The following RGS7BP variants were observed in gnomAD, a reference collection of about 807,000 sequenced individuals.
The protein encoded by RGS7BP is regulator of G protein signaling 7 binding protein.
RGS7BP carries 9 observed loss-of-function variants against 31.3 expected under a neutral mutation model. The ratio of observed to expected loss-of-function variants is 0.29; its 90% CI spans 0.17 to 0.50. The LOEUF (loss-of-function observed/expected upper bound fraction) is 0.50. Among genes scored for constraint, RGS7BP ranks in the 20% least tolerant of loss-of-function variants. The probability of loss-of-function intolerance (pLI) is 0.98; values close to 1 mark genes in which losing one functional copy is unlikely to be tolerated. For synonymous variants in RGS7BP, 115 were observed against 120.1 expected (o/e 0.96, Z 0.28); for missense variants, 274 against 322.0 (o/e 0.85, Z 1.14).
intron 2 of RGS7BP, among the ~76,000 whole-genome samples, chr5:64,549,802 C>A (rs1741746398): frequency 6.6e-6 from 1 of 152,166 alleles, no homozygotes; most frequent in South Asian, 2.1e-4. Context: ...TTTTCCAAAT[C>A]CTCAAGTTCT....
chr5:64,590,655 C>T lies in RGS7BP; in HGVS notation c.464-4055C>T, dbSNP rs181227469. 7.7e-4 allele frequency among the ~76,000 whole-genome samples: 117 copies of T among 152,166 alleles called. 1 individual carries two copies. The highest frequency in any genetic ancestry group is 4.1e-4 in the Non-Finnish European group (28 of 67,976). On this transcript the variant is annotated intron_variant, in intron 3 of 5. Coordinates refer to ENST00000334025, the MANE Select transcript of RGS7BP (RefSeq NM_001029875.3). Reference sequence around the variant, plus strand: ...TTACATGATAGTAATTTATAGTTTCCTTTGCAGTGGATTCAAAATTTCAAA... The same window carrying T: ...TTACATGATAGTAATTTATAGTTTCTTTTGCAGTGGATTCAAAATTTCAAA...
At position 64,509,445 on chromosome 5, in the gene RGS7BP, C is replaced by T. The variant is rs549529962; in HGVS notation, c.332+1568C>T. ...GGGCTGGAGGAATGAACAAGGAGTT[C>T]GATTCAGTCTATTTTGCGACACACA... On this transcript the variant is annotated intron_variant, in intron 2 of 5. Transcript: ENST00000334025. Among the ~76,000 whole-genome samples the T allele has an allele frequency of 7.5e-4, 114 of 152,130 alleles. 1 individual carries two copies. Among genetic ancestry groups the T allele is most frequent in the African/African-American group, 2.5e-3 (105 of 41,514 alleles).
chr5:64,555,638 C>T (rs1471616902), intron 2 of RGS7BP, among the ~76,000 whole-genome samples: 2 of 151,832 alleles, frequency 1.3e-5, no homozygotes, highest in African/African-American at 2.4e-5. Context: ...AGGACTTGAG[C>T]TGAAAATGGA....
Position 64,508,240 on chromosome 5 carries a change from A to G in RGS7BP, c.332+363A>G, listed in dbSNP as rs1306535896. Among the ~76,000 whole-genome samples, 3 of 152,184 alleles carry G rather than the reference A, an allele frequency of 2.0e-5. No homozygotes were observed. In the East Asian group the frequency reaches 5.8e-4, roughly 29 times the overall value. Reference sequence around the variant, plus strand: ...TTATTTTGTCATCTGCTGCTGAACAAAAGGCCTGTGCTGTAGAGAAAAACT... The same window carrying G: ...TTATTTTGTCATCTGCTGCTGAACAGAAGGCCTGTGCTGTAGAGAAAAACT... On this transcript the variant is annotated intron_variant, in intron 2 of 5. Coordinates refer to ENST00000334025, the MANE Select transcript of RGS7BP (RefSeq NM_001029875.3).
chr5:64,607,637 A>G (rs568254955), intron 5 of RGS7BP, among the ~76,000 whole-genome samples: 1 of 152,176 alleles, frequency 6.6e-6, no homozygotes, highest in South Asian at 2.1e-4. Flanking sequence ...TCCAGGTAGC[A>G]GACTTCAGCA....
intron 2 of RGS7BP, among the ~76,000 whole-genome samples, chr5:64,540,681 A>G (rs1054679425): frequency 3.3e-5 from 5 of 152,206 alleles, no homozygotes; most frequent in Admixed American, 2.0e-4. Context: ...AGACACTGAG[A>G]TGAAATTAGA....
At chr5:64,538,676 C>T (rs1379803826) in intron 2 of RGS7BP, among the ~76,000 whole-genome samples, 1 of 149,822 alleles carries the variant, frequency 6.7e-6, no homozygotes, top group Non-Finnish European at 1.5e-5. Flanking sequence ...CCTACCTCAG[C>T]CTCCTGCGTA....
intron 3 of RGS7BP, among the ~76,000 whole-genome samples, chr5:64,577,526 C>T (rs1742468818): frequency 6.6e-6 from 1 of 152,200 alleles, no homozygotes; most frequent in African/African-American, 2.4e-5. Flanking sequence ...GCTCCAGAGA[C>T]AGGAGAACAT....
chr5:64,540,973 C>A (rs961496711), intron 2 of RGS7BP, among the ~76,000 whole-genome samples: 1 of 152,106 alleles, frequency 6.6e-6, no homozygotes, highest in African/African-American at 2.4e-5. Flanking sequence ...CTGGAGAGCT[C>A]GGTGTTGGCA....
At chr5:64,605,582 T>C (rs1743331283) in intron 5 of RGS7BP, among the ~76,000 whole-genome samples, 1 of 152,048 alleles carries the variant, frequency 6.6e-6, no homozygotes, top group South Asian at 2.1e-4. Context: ...ATTTCAGCAT[T>C]TACTGCAGGT....
chr5:64,580,567 T>C (rs1742563351), intron 3 of RGS7BP, among the ~76,000 whole-genome samples: 1 of 151,520 alleles, frequency 6.6e-6, no homozygotes, highest in Non-Finnish European at 1.5e-5. Flanking sequence ...CTGATATAAA[T>C]CCATATAAAT....
At chr5:64,606,417 A>G (rs1041074308) in intron 5 of RGS7BP, among the ~76,000 whole-genome samples, 1 of 152,068 alleles carries the variant, frequency 6.6e-6, no homozygotes, top group African/African-American at 2.4e-5. Flanking sequence ...AGGAGATACC[A>G]GAATTTAGAA....
At chr5:64,584,670 G>T (rs1422176384) in intron 3 of RGS7BP, among the ~76,000 whole-genome samples, 1 of 152,234 alleles carries the variant, frequency 6.6e-6, no homozygotes, top group Non-Finnish European at 1.5e-5. Context: ...TGGGGGCTGT[G>T]GCAGTGCCAC....
chr5:64,602,938 A>G (rs924849670), intron 5 of RGS7BP, among the ~76,000 whole-genome samples: 2 of 152,214 alleles, frequency 1.3e-5, no homozygotes, highest in Admixed American at 6.5e-5. Context: ...AAGATAGTCT[A>G]GGCAGAAGAT....
intron 2 of RGS7BP, among the ~76,000 whole-genome samples, chr5:64,565,164 C>T (rs1424569540): frequency 2.0e-5 from 3 of 152,070 alleles, no homozygotes; most frequent in Non-Finnish European, 1.5e-5. Context: ...ATCACAACAA[C>T]ACTATCAGCT....
Position 64,554,381 on chromosome 5 carries a change from G to A in RGS7BP, c.333-21393G>A, listed in dbSNP as rs560596651. On this transcript the variant is annotated intron_variant, in intron 2 of 5. Transcript: ENST00000334025. ...CTCAAATTCCTTGGTGTTTCTGTTT[G>A]CCACCCATACCTTTGTAATTACTCC... is the stretch of plus-strand genomic sequence containing the variant. Among the ~76,000 whole-genome samples, 3 of 152,160 alleles carry A rather than the reference G, an allele frequency of 2.0e-5. No homozygotes were observed. In the East Asian group the frequency reaches 5.8e-4, roughly 29 times the overall value.
At chr5:64,598,665 C>T (rs1443666257) in intron 5 of RGS7BP, among the ~76,000 whole-genome samples, 1 of 152,136 alleles carries the variant, frequency 6.6e-6, no homozygotes, top group Non-Finnish European at 1.5e-5. Flanking sequence ...ACTCCTTCTC[C>T]ACTGGCCCTA....
chr5:64,550,904 A>C (rs1167714928), intron 2 of RGS7BP, among the ~76,000 whole-genome samples: 1 of 151,890 alleles, frequency 6.6e-6, no homozygotes, highest in African/African-American at 2.4e-5. Flanking sequence ...TACAAAGGAC[A>C]TGAACTCATC....
At chr5:64,538,674 A>G (rs555080801) in intron 2 of RGS7BP, among the ~76,000 whole-genome samples, 2 of 145,582 alleles carry the variant, frequency 1.4e-5, no homozygotes, top group South Asian at 2.2e-4. Context: ...CTCCTACCTC[A>G]GCCTCCTGCG....
Sources: gnomAD v4.1 joint callset for allele counts (sites outside exome capture counted in the v4.1 genomes callset) on GRCh38, gnomAD v4.1.1 for gene constraint, MANE v1.5 for transcripts, NCBI Gene and HGNC (gene_info 2026-07-23, HGNC 2026-07-21) for gene names.